SCRN1: variants seen among roughly 807,000 people sequenced by gnomAD.
SCRN1 encodes secernin 1, also known as secernin-1.
Under a neutral mutation model 43.3 loss-of-function variants are expected in SCRN1, and 19 were observed. The ratio of observed to expected loss-of-function variants is 0.44; its 90% CI spans 0.31 to 0.64. The LOEUF (loss-of-function observed/expected upper bound fraction) is 0.64. Among genes scored for constraint, SCRN1 ranks in the 30% least tolerant of loss-of-function variants. The pLI is 0.09. For missense variants in SCRN1, 447 were observed against 524.1 expected (o/e 0.85, Z 1.44); for synonymous variants, 183 against 188.9 (o/e 0.97, Z 0.26).
intron 6 of SCRN1, among the ~76,000 whole-genome samples, chr7:29,932,948 C>T (rs1270398739): frequency 1.3e-5 from 2 of 152,044 alleles, no homozygotes; most frequent in East Asian, 1.9e-4. Context: ...TCAATCTCAG[C>T]TCACTGCAAC....
intron 2 of SCRN1, among the ~76,000 whole-genome samples, chr7:29,956,884 C>T (rs1788155788): frequency 6.6e-6 from 1 of 152,078 alleles, no homozygotes; most frequent in Admixed American, 6.5e-5. Flanking sequence ...CTGGCCAGAG[C>T]AGTAATCAAA....
chr7:29,981,946 C>T (rs1033204519), intron 1 of SCRN1, among the ~76,000 whole-genome samples: 4 of 152,034 alleles, frequency 2.6e-5, no homozygotes, highest in African/African-American at 9.7e-5. Flanking sequence ...AGAAAGGAGG[C>T]AAAGAATAGC....
intron 7 of SCRN1, among the ~76,000 whole-genome samples, chr7:29,924,361 C>G (rs771214236): frequency 5.3e-4 from 80 of 152,236 alleles, no homozygotes; most frequent in Non-Finnish European, 1.1e-3. Context: ...CAGAGTGACA[C>G]TGAGGGAAGG....
At chr7:29,939,181 C>T (rs1787446165) in intron 5 of SCRN1, among the ~76,000 whole-genome samples, 1 of 151,976 alleles carries the variant, frequency 6.6e-6, no homozygotes, top group African/African-American at 2.4e-5. Flanking sequence ...CTAAAGTGTT[C>T]TAGATTAAGA....
chr7:29,938,912 C>A (rs781077162), intron 5 of SCRN1, among the ~76,000 whole-genome samples: 2 of 152,156 alleles, frequency 1.3e-5, no homozygotes, highest in Non-Finnish European at 2.9e-5. Context: ...GTCTCCCCAA[C>A]CAAGCTGGTC....
At chr7:29,932,008 A>G (rs1171744890) in intron 6 of SCRN1, among the ~76,000 whole-genome samples, 4 of 152,226 alleles carry the variant, frequency 2.6e-5, no homozygotes, top group Admixed American at 2.6e-4. Flanking sequence ...AAACTTTTAA[A>G]GTCATACCTG....
chr7:29,934,861 G>A (rs561391659), intron 6 of SCRN1, among the ~76,000 whole-genome samples: 78 of 152,328 alleles, frequency 5.1e-4, no homozygotes, highest in African/African-American at 1.6e-3. Context: ...GGGGGTAGAG[G>A]AGCAATAGTC....
intron 6 of SCRN1, among the ~76,000 whole-genome samples, chr7:29,927,870 C>A (rs983712944): frequency 6.6e-6 from 1 of 152,110 alleles, no homozygotes; most frequent in African/African-American, 2.4e-5. Context: ...CCTGTAATCC[C>A]AGCATTTTGG....
At chr7:29,927,366 C>CCACACACA (rs66661399) in intron 6 of SCRN1, among the ~76,000 whole-genome samples, 17 of 126,424 alleles carry the variant, frequency 1.3e-4, no homozygotes, top group Non-Finnish European at 2.3e-4. Flanking sequence ...ACCCACCCAC[C>CCACACACA]CACACACACA....
At chr7:29,951,937 A>C (rs1787941871) in intron 3 of SCRN1, among the ~76,000 whole-genome samples, 1 of 152,242 alleles carries the variant, frequency 6.6e-6, no homozygotes, top group Admixed American at 6.5e-5. Flanking sequence ...TTCATTGAAT[A>C]ATCAACCACA....
chr7:29,946,677 A>C (rs1364277003), intron 3 of SCRN1, among the ~76,000 whole-genome samples: 1 of 152,082 alleles, frequency 6.6e-6, no homozygotes, highest in East Asian at 1.9e-4. Flanking sequence ...CCTCAGCACT[A>C]TCCACAGACC....
intron 6 of SCRN1, among the ~76,000 whole-genome samples, chr7:29,931,782 T>C (rs1010988670): frequency 3.3e-5 from 5 of 152,162 alleles, no homozygotes; most frequent in South Asian, 2.1e-4. Context: ...AATACATAAA[T>C]CCCTGTTCAG....
chr7:29,942,743 C>T (rs1228157050), intron 4 of SCRN1, among the ~76,000 whole-genome samples: 2 of 152,110 alleles, frequency 1.3e-5, no homozygotes, highest in African/African-American at 4.8e-5. Context: ...TCCGTGATTG[C>T]TGACGGACAC....
chr7:29,955,110 G>A, intron 3 of SCRN1, 69 bp downstream of exon 3: 1 of 1,373,026 alleles, frequency 7.3e-7, no homozygotes, highest in Non-Finnish European at 1.0e-6. Context: ...AAGGTTTAGG[G>A]AGAAATAAAT....
chr7:29,952,904 T>G (rs891456952), intron 3 of SCRN1, among the ~76,000 whole-genome samples: 1 of 152,204 alleles, frequency 6.6e-6, no homozygotes, highest in African/African-American at 2.4e-5. Flanking sequence ...ACCCTTTTTA[T>G]TACAATAGCT....
intron 3 of SCRN1, among the ~76,000 whole-genome samples, chr7:29,945,116 G>A (rs1787692542): frequency 6.6e-6 from 1 of 152,110 alleles, no homozygotes; most frequent in Non-Finnish European, 1.5e-5. Flanking sequence ...ATCAGCCTAC[G>A]TCTATTGGTA....
intron 2 of SCRN1, among the ~76,000 whole-genome samples, chr7:29,956,222 C>T (rs530493107): frequency 1.3e-5 from 2 of 152,312 alleles, no homozygotes; most frequent in Admixed American, 1.3e-4. Context: ...GAGGAAGAGG[C>T]CCGGGACCAG....
chr7:29,921,624 G>A lies in SCRN1; in HGVS notation c.*2333C>T, dbSNP rs901585059. ...CCAGGCTGTACCATGCCCTCTAGTG[G>A]TAGGACTAGGACATCACAATTGTGG... On this transcript the variant is annotated 3_prime_UTR_variant, in exon 8 of 8. Coordinates refer to ENST00000242059, the MANE Select transcript of SCRN1 (RefSeq NM_014766.5). 2 of 152,238 alleles carry A rather than the reference G, an allele frequency of 1.3e-5. No individual in the cohort carries two copies. The highest frequency in any genetic ancestry group is 3.9e-4 in the East Asian group (2 of 5,188). 9.4% of individuals were successfully genotyped at this position (152,238 alleles called of 1,614,324 possible).
chr7:29,927,179 C>T (rs767156717), intron 6 of SCRN1, among the ~76,000 whole-genome samples: 9 of 152,028 alleles, frequency 5.9e-5, no homozygotes, highest in Non-Finnish European at 1.0e-4. Context: ...AGGGTGCACA[C>T]CACACAGAAG....
Sources: allele counts gnomAD v4.1 joint callset (sites outside exome capture counted in the v4.1 genomes callset), GRCh38; gene constraint gnomAD v4.1.1; transcripts MANE v1.5; gene names NCBI Gene and HGNC (gene_info 2026-07-23, HGNC 2026-07-21).